The following SEMA5A variants were observed in gnomAD, a reference collection of about 807,000 sequenced individuals.
The protein encoded by SEMA5A is semaphorin-5A.
A neutral mutation model predicts 135.5 loss-of-function variants in SEMA5A; 55 were observed. The ratio of observed to expected loss-of-function variants is 0.41; its 90% CI spans 0.33 to 0.51. The LOEUF (loss-of-function observed/expected upper bound fraction) is 0.51. Among genes scored for constraint, SEMA5A ranks in the 20% least tolerant of loss-of-function variants. The probability of loss-of-function intolerance (pLI) is 0.37; values close to 1 mark genes in which losing one functional copy is unlikely to be tolerated. For synonymous variants in SEMA5A, 580 were observed against 546.5 expected, an observed-to-expected ratio of 1.06 and a Z score of -0.85; for missense variants, 1,290 against 1,419.9, an observed-to-expected ratio of 0.91 and a Z score of 1.47.
At chr5:9,082,094 C>T (rs1738418867) in intron 16 of SEMA5A, among the ~76,000 whole-genome samples, 1 of 152,152 alleles carries the variant, frequency 6.6e-6, no homozygotes, top group Admixed American at 6.5e-5. Flanking sequence ...AGGGAGAATG[C>T]TATCTGGAAT....
At chr5:9,185,625 C>T (rs569558477) in intron 11 of SEMA5A, among the ~76,000 whole-genome samples, 1 of 152,176 alleles carries the variant, frequency 6.6e-6, no homozygotes, top group South Asian at 2.1e-4. Flanking sequence ...AATTTGCATG[C>T]CATAAAATTC....
rs574096274 is a variant in SEMA5A at position 9,118,784 on chromosome 5, C to A, written c.1925+214G>T. ...CAATTGCTCAGCGGAGCCAGCCCAG[C>A]TGTGTAGGCACCAGAGCAGCCCAGT... On this transcript the variant is annotated intron_variant, in intron 15 of 22. Transcript: ENST00000382496. 2.0e-5 allele frequency among the ~76,000 whole-genome samples: 3 copies of A among 152,308 alleles called. No homozygotes were observed. The East Asian group carries it at 5.8e-4, about 29-fold the overall frequency.
intron 6 of SEMA5A, among the ~76,000 whole-genome samples, chr5:9,228,443 CAT>C (rs1747439875): frequency 6.6e-6 from 1 of 152,200 alleles, no homozygotes; most frequent in Non-Finnish European, 1.5e-5. Context: ...GAGGAGCTCA[CAT>C]AGAAGCCGAG....
chr5:9,162,782 G>T (rs146601299), intron 11 of SEMA5A, among the ~76,000 whole-genome samples: 1 of 151,710 alleles, frequency 6.6e-6, no homozygotes, highest in African/African-American at 2.4e-5. Flanking sequence ...GGATGTTAAG[G>T]TTGGAAGGGA....
intron 11 of SEMA5A, among the ~76,000 whole-genome samples, chr5:9,189,409 A>T (rs79794583): frequency 1.3e-5 from 2 of 149,646 alleles, no homozygotes; most frequent in Non-Finnish European, 3.0e-5. Context: ...AAAAAAAAAA[A>T]AACTAACTGG....
At chr5:9,143,044 C>A (rs568202358) in intron 12 of SEMA5A, among the ~76,000 whole-genome samples, 7 of 152,320 alleles carry the variant, frequency 4.6e-5, no homozygotes, top group East Asian at 3.9e-4. Flanking sequence ...ATCCACAGAT[C>A]CTTCAATTGG....
intron 2 of SEMA5A, among the ~76,000 whole-genome samples, chr5:9,383,244 G>A (rs1347775550): frequency 6.6e-6 from 1 of 152,204 alleles, no homozygotes; most frequent in Non-Finnish European, 1.5e-5. Context: ...TCTTTTCTGA[G>A]CTTCCTGATC....
intron 7 of SEMA5A, 131 bp from the exon 8 acceptor site, chr5:9,225,018 C>A: frequency 1.4e-6 from 1 of 716,984 alleles, no homozygotes; most frequent in Non-Finnish European, 2.3e-6. Flanking sequence ...GGCAAGATGA[C>A]CAACTTTTAC....
At chr5:9,196,497 G>A (rs1200442105) in intron 10 of SEMA5A, among the ~76,000 whole-genome samples, 1 of 152,150 alleles carries the variant, frequency 6.6e-6, no homozygotes, top group Non-Finnish European at 1.5e-5. Context: ...TCTTTTTTAA[G>A]CTACCCAGTC....
intron 14 of SEMA5A, among the ~76,000 whole-genome samples, chr5:9,121,513 ATCT>A (rs1235664053): frequency 6.6e-6 from 1 of 152,222 alleles, no homozygotes; most frequent in Non-Finnish European, 1.5e-5. Context: ...TCATTTGATA[ATCT>A]TCTTTTTCCA....
At chr5:9,045,409 CT>C (rs1736195305) in intron 21 of SEMA5A, among the ~76,000 whole-genome samples, 1 of 152,214 alleles carries the variant, frequency 6.6e-6, no homozygotes, top group African/African-American at 2.4e-5. Context: ...AAAATGTTTT[CT>C]ATTCACATAA....
At chr5:9,349,966 A>G (rs1754043606) in intron 3 of SEMA5A, among the ~76,000 whole-genome samples, 1 of 152,152 alleles carries the variant, frequency 6.6e-6, no homozygotes. Context: ...TCATTGAGGT[A>G]TCTTTGTGTA....
intron 16 of SEMA5A, among the ~76,000 whole-genome samples, chr5:9,091,260 A>C (rs1739017776): frequency 6.6e-6 from 1 of 152,238 alleles, no homozygotes; most frequent in African/African-American, 2.4e-5. Context: ...CATGAAGTAA[A>C]AGATAGAAGC....
chr5:9,231,667 T>A (rs1379597378), intron 6 of SEMA5A, among the ~76,000 whole-genome samples: 1 of 152,070 alleles, frequency 6.6e-6, no homozygotes. Context: ...GGAGTCACAA[T>A]GTAGAGGTAG....
chr5:9,286,522 T>C (rs775883281), intron 5 of SEMA5A, among the ~76,000 whole-genome samples: 6 of 152,110 alleles, frequency 3.9e-5, no homozygotes, highest in Non-Finnish European at 8.8e-5. Context: ...CAACGGATAT[T>C]TGCATGCAGA....
intron 5 of SEMA5A, among the ~76,000 whole-genome samples, chr5:9,251,687 A>C (rs1166144953): frequency 1.4e-4 from 21 of 152,218 alleles, no homozygotes. Context: ...GGAGCAAAGC[A>C]AAAACAGAAT....
Position 9,054,253 on chromosome 5 carries a change from A to G in SEMA5A, c.2523T>C (p.Asp841=). The change falls in exon 19 of 23, where the codon GAT becomes GAC. Residue 841 remains aspartate, a synonymous_variant. Transcript: ENST00000382496. ...QECNILPCPV[D]GVWSCWSPWT... ...AGGGGGACCAGCAAGACCACACGCC[A>G]TCCACTGTGAAGAAACACAATGTCA... 1 of 1,612,536 alleles carries G rather than the reference A, an allele frequency of 6.2e-7. No homozygotes were observed. Among genetic ancestry groups the G allele is most frequent in the East Asian group, 2.2e-5 (1 of 44,824 alleles).
intron 4 of SEMA5A, among the ~76,000 whole-genome samples, chr5:9,332,567 T>G (rs1177012940): frequency 6.6e-6 from 1 of 151,634 alleles, no homozygotes; most frequent in African/African-American, 2.4e-5. Context: ...AGCTATGGGC[T>G]GCTACTCACA....
At chr5:9,364,073 A>G (rs943106339) in intron 3 of SEMA5A, among the ~76,000 whole-genome samples, 26 of 152,164 alleles carry the variant, frequency 1.7e-4, no homozygotes, top group Non-Finnish European at 2.9e-4. Context: ...TGATAAACAC[A>G]TGCAAAGTTC....
Sources: gnomAD v4.1 joint callset for allele counts (sites outside exome capture counted in the v4.1 genomes callset) on GRCh38, gnomAD v4.1.1 for gene constraint, MANE v1.5 for transcripts, NCBI Gene and HGNC (gene_info 2026-07-23, HGNC 2026-07-21) for gene names.